TRPC4: variants seen among roughly 807,000 people sequenced by gnomAD.
The protein encoded by TRPC4 is transient receptor potential cation channel subfamily C member 4.
TRPC4 carries 49 observed loss-of-function variants against 99.4 expected under a neutral mutation model. The ratio of observed to expected loss-of-function variants is 0.49; its 90% CI spans 0.39 to 0.63. The LOEUF (loss-of-function observed/expected upper bound fraction) is 0.63, where lower values mean the gene tolerates loss of function less well. TRPC4 is among the 20% of genes least tolerant of loss of function. TRPC4 has a pLI of 0.00. For missense variants in TRPC4, 898 were observed against 1,152.9 expected, an observed-to-expected ratio of 0.78 and a Z score of 3.20; for synonymous variants, 454 against 425.9, an observed-to-expected ratio of 1.07 and a Z score of -0.81.
chr13:37,718,486 T>C (rs1369721401), intron 3 of TRPC4, among the ~76,000 whole-genome samples: 2 of 152,008 alleles, frequency 1.3e-5, no homozygotes, highest in Non-Finnish European at 2.9e-5. Context: ...TTAGCAGACA[T>C]AGACTTTAGT....
chr13:37,654,670 T>G (rs1952164897), intron 7 of TRPC4, among the ~76,000 whole-genome samples: 1 of 152,162 alleles, frequency 6.6e-6, no homozygotes, highest in Non-Finnish European at 1.5e-5. Context: ...GCTTCTCCCC[T>G]TCCCAGACTC....
At chr13:37,829,123 A>C (rs1251725135) in intron 1 of TRPC4, among the ~76,000 whole-genome samples, 1 of 152,232 alleles carries the variant, frequency 6.6e-6, no homozygotes, top group Non-Finnish European at 1.5e-5. Context: ...GCTGGATGTT[A>C]TCAAAATTAA....
intron 3 of TRPC4, among the ~76,000 whole-genome samples, chr13:37,702,100 G>A (rs1359943215): frequency 6.6e-6 from 1 of 152,172 alleles, no homozygotes; most frequent in African/African-American, 2.4e-5. Flanking sequence ...TCCTTGGCCT[G>A]ACAGCTGTGT....
intron 2 of TRPC4, among the ~76,000 whole-genome samples, chr13:37,759,436 C>T (rs1403396821): frequency 6.6e-6 from 1 of 151,602 alleles, no homozygotes; most frequent in African/African-American, 2.4e-5. Flanking sequence ...CCAAGGATAC[C>T]ATACATACAT....
intron 3 of TRPC4, 60 bp from the exon 4 acceptor site, chr13:37,692,395 TC>T (rs1593524833): frequency 7.2e-7 from 1 of 1,389,346 alleles, no homozygotes; most frequent in Non-Finnish European, 9.8e-7. Flanking sequence ...TGGCCTCAAT[TC>T]ATCAATAAGA....
intron 1 of TRPC4, among the ~76,000 whole-genome samples, chr13:37,851,625 C>T (rs1959061160): frequency 6.6e-6 from 1 of 152,152 alleles, no homozygotes; most frequent in Non-Finnish European, 1.5e-5. Flanking sequence ...ATTCCTAACA[C>T]CAAATTATAA....
At chr13:37,836,386 T>C (rs1234860025) in intron 1 of TRPC4, among the ~76,000 whole-genome samples, 1 of 151,920 alleles carries the variant, frequency 6.6e-6, no homozygotes, top group African/African-American at 2.4e-5. Flanking sequence ...TACAGGAAAA[T>C]ATGGGAAAGT....
intron 6 of TRPC4, among the ~76,000 whole-genome samples, chr13:37,658,460 C>T (rs1170712757): frequency 6.6e-6 from 1 of 152,012 alleles, no homozygotes; most frequent in African/African-American, 2.4e-5. Context: ...TTCCTCTATC[C>T]CATGGGACTA....
At chr13:37,821,349 T>A (rs1219083038) in intron 1 of TRPC4, among the ~76,000 whole-genome samples, 1 of 152,088 alleles carries the variant, frequency 6.6e-6, no homozygotes, top group East Asian at 1.9e-4. Context: ...TCCAAGTTCA[T>A]GAATAGGAAT....
chr13:37,665,383 C>T (rs949972181), intron 5 of TRPC4, among the ~76,000 whole-genome samples: 1 of 152,110 alleles, frequency 6.6e-6, no homozygotes, highest in Non-Finnish European at 1.5e-5. Context: ...TAATATAGCT[C>T]AGGACTATAT....
intron 2 of TRPC4, among the ~76,000 whole-genome samples, chr13:37,777,376 A>C (rs1956735328): frequency 6.6e-6 from 1 of 151,878 alleles, no homozygotes; most frequent in Non-Finnish European, 1.5e-5. Flanking sequence ...AGAGAAAGAG[A>C]GTGAAGGGGG....
chr13:37,792,210 A>G (rs1284025937), intron 1 of TRPC4, among the ~76,000 whole-genome samples: 3 of 152,158 alleles, frequency 2.0e-5, no homozygotes, highest in Admixed American at 1.3e-4. Flanking sequence ...TAAGATTAAG[A>G]TGCCATAATG....
intron 2 of TRPC4, among the ~76,000 whole-genome samples, chr13:37,781,706 C>T (rs1209548726): frequency 6.6e-6 from 1 of 151,986 alleles, no homozygotes; most frequent in African/African-American, 2.4e-5. Flanking sequence ...GCCAGCAAAG[C>T]AACAAGCAGA....
At chr13:37,732,262 A>C (rs946265445) in intron 3 of TRPC4, among the ~76,000 whole-genome samples, 2 of 152,180 alleles carry the variant, frequency 1.3e-5, no homozygotes, top group African/African-American at 2.4e-5. Flanking sequence ...AACCTGATAA[A>C]TGAGGGGAAA....
intron 2 of TRPC4, 92 bp from the exon 3 acceptor site, chr13:37,746,547 G>C: frequency 7.3e-7 from 1 of 1,374,982 alleles, no homozygotes; most frequent in Non-Finnish European, 9.6e-7. Flanking sequence ...ATGGAACAGG[G>C]TTTATATGTC....
At chr13:37,791,078 A>G (rs554446069) in intron 1 of TRPC4, among the ~76,000 whole-genome samples, 43 of 152,158 alleles carry the variant, frequency 2.8e-4, no homozygotes, top group Admixed American at 1.2e-3. Flanking sequence ...TTAGACATAG[A>G]AGTACACTAT....
At chr13:37,703,952 C>G (rs1954185979) in intron 3 of TRPC4, among the ~76,000 whole-genome samples, 1 of 152,048 alleles carries the variant, frequency 6.6e-6, no homozygotes, top group African/African-American at 2.4e-5. Context: ...CAAACTGGAA[C>G]AAGCCAAATG....
chr13:37,678,974 A>C (rs928530072), intron 4 of TRPC4, among the ~76,000 whole-genome samples: 1 of 152,154 alleles, frequency 6.6e-6, no homozygotes, highest in African/African-American at 2.4e-5. Context: ...TTTTTGAAAA[A>C]ATGTGATCAT....
chr13:37,658,415 C>T (rs4943527), intron 6 of TRPC4, among the ~76,000 whole-genome samples: 60,856 of 151,894 alleles, frequency 0.4, 12,812 homozygotes, highest in East Asian at 0.74. Flanking sequence ...AAGAATTGAA[C>T]GTGTAAAAAA....
Sources: allele counts gnomAD v4.1 joint callset (sites outside exome capture counted in the v4.1 genomes callset), GRCh38; gene constraint gnomAD v4.1.1; transcripts MANE v1.5; gene names NCBI Gene and HGNC (gene_info 2026-07-23, HGNC 2026-07-21).